PRKCA: variants seen among roughly 807,000 people sequenced by gnomAD.
The protein encoded by PRKCA is protein kinase C alpha type.
A neutral mutation model predicts 87.0 loss-of-function variants in PRKCA; 27 were observed. That is an observed-to-expected ratio of 0.31 (90% CI 0.23 to 0.43). The LOEUF is 0.43. PRKCA is among the 20% of genes least tolerant of loss of function. The pLI is 1.00. For synonymous variants in PRKCA, 329 were observed against 311.1 expected, an observed-to-expected ratio of 1.06 and a Z score of -0.61; for missense variants, 518 against 852.3, an observed-to-expected ratio of 0.61 and a Z score of 4.88.
chr17:66,525,575 C>T (rs1030774625), intron 3 of PRKCA, among the ~76,000 whole-genome samples: 5 of 152,088 alleles, frequency 3.3e-5, no homozygotes, highest in South Asian at 4.2e-4. Flanking sequence ...GGTGGAAGAT[C>T]GCCAGGGCTC....
chr17:66,710,177 A>G (rs139135508), intron 8 of PRKCA, among the ~76,000 whole-genome samples: 41 of 151,934 alleles, frequency 2.7e-4, no homozygotes, highest in Middle Eastern at 6.8e-3. Flanking sequence ...GTTACTTCCT[A>G]CCCCTCCAAG....
intron 2 of PRKCA, among the ~76,000 whole-genome samples, chr17:66,458,351 G>A (rs2143951353): frequency 6.6e-6 from 1 of 152,238 alleles, no homozygotes. Context: ...ACAGCTTCCT[G>A]GAACACAGCC....
intron 2 of PRKCA, among the ~76,000 whole-genome samples, chr17:66,422,427 T>C (rs1481385929): frequency 6.6e-6 from 1 of 152,216 alleles, no homozygotes; most frequent in African/African-American, 2.4e-5. Flanking sequence ...ACCTAGAGCA[T>C]AGCGTAAGCC....
chr17:66,680,791 G>T (rs1038264321), intron 5 of PRKCA, among the ~76,000 whole-genome samples: 1 of 152,172 alleles, frequency 6.6e-6, no homozygotes, highest in African/African-American at 2.4e-5. Context: ...ATCCACATTG[G>T]GGGTGGGGGA....
Position 66,689,165 on chromosome 17 carries a change from G to T in PRKCA, c.918+118G>T. On this transcript the variant is annotated intron_variant, in intron 8 of 16. Transcript: ENST00000413366. This position sits in a 1 kb window ranked among gnomAD's most constrained non-coding sequence, Gnocchi z 4.1. ...AAAAAAAAGTAATCTCAATGTTAATGATCTTTTTCTTTATTTAAAAACATG... is the reference window on the plus strand; with the variant it reads ...AAAAAAAAGTAATCTCAATGTTAATTATCTTTTTCTTTATTTAAAAACATG... 3 of 596,788 alleles carry T rather than the reference G, an allele frequency of 5.0e-6. 1 individual carries two copies. The highest frequency in any genetic ancestry group is 2.9e-6 in the Non-Finnish European group (1 of 346,604). The allele number at this position is 596,788 out of a possible 1,614,324, so 37.0% of individuals were successfully genotyped here.
intron 13 of PRKCA, among the ~76,000 whole-genome samples, chr17:66,771,502 T>C (rs1245212541): frequency 6.6e-6 from 1 of 152,214 alleles, no homozygotes; most frequent in Non-Finnish European, 1.5e-5. Context: ...TACACACATA[T>C]CACACCTAGA....
At chr17:66,730,297 G>T (rs74591650) in intron 8 of PRKCA, among the ~76,000 whole-genome samples, 1 of 152,152 alleles carries the variant, frequency 6.6e-6, no homozygotes, top group African/African-American at 2.4e-5. Context: ...AGGCCACATG[G>T]GTTCTTGGCT....
Position 66,732,730 on chromosome 17 carries a change from T to C in PRKCA, c.961T>C (p.Ser321Pro), listed in dbSNP as rs762784660. 6.2e-7 allele frequency: 1 copy of C among 1,614,156 alleles called. No individual in the cohort carries two copies. The highest frequency in any genetic ancestry group is 1.1e-5 in the South Asian group (1 of 91,068). ...GPAGNKVISP[S>P]EDRKQPSNNL... ...TGCTGGCAACAAAGTCATCAGTCCC[T>C]CTGAAGACAGGAAACAACCTTCCAA... Residue 321 changes from serine (S) to proline (P), a missense_variant, in exon 9 of 17, where the codon TCT (serine) becomes CCT (proline). This residue lies in a region of PRKCA where 300 missense variants were observed against 496.8 expected (regional missense o/e 0.60). Coordinates refer to ENST00000413366, the MANE Select transcript of PRKCA (RefSeq NM_002737.3).
intron 13 of PRKCA, among the ~76,000 whole-genome samples, chr17:66,759,033 T>C (rs1974619390): frequency 6.6e-6 from 1 of 152,128 alleles, no homozygotes; most frequent in African/African-American, 2.4e-5. Flanking sequence ...CTACTTTCAC[T>C]ATGCATGAAG....
At chr17:66,345,310 C>T (rs1907293910) in intron 2 of PRKCA, among the ~76,000 whole-genome samples, 1 of 152,064 alleles carries the variant, frequency 6.6e-6, no homozygotes. Flanking sequence ...AATTAGAAAA[C>T]CTTGTTAGGA....
chr17:66,418,072 C>T lies in PRKCA; in HGVS notation c.206-78129C>T, dbSNP rs144935799. Among the ~76,000 whole-genome samples the T allele has an allele frequency of 4.7e-3, 718 of 152,126 alleles. 6 individuals carry two copies. The highest frequency in any genetic ancestry group is 0.017 in the African/African-American group (691 of 41,480). ...ACACATTTCTGTAAACTTTTTGGTG[C>T]GCGTGGGTTTTACTGTCTTCTGTTG... On this transcript the variant is annotated intron_variant, in intron 2 of 16. Coordinates refer to ENST00000413366, the MANE Select transcript of PRKCA (RefSeq NM_002737.3).
chr17:66,351,770 G>A (rs1907761403), intron 2 of PRKCA, among the ~76,000 whole-genome samples: 1 of 152,148 alleles, frequency 6.6e-6, no homozygotes, highest in African/African-American at 2.4e-5. Context: ...TTCACAGGGT[G>A]GTTTATGGGG....
chr17:66,406,698 G>A (rs990352636), intron 2 of PRKCA, among the ~76,000 whole-genome samples: 9 of 144,850 alleles, frequency 6.2e-5, no homozygotes, highest in Non-Finnish European at 4.5e-5. Flanking sequence ...GAATGCATTC[G>A]ATCAGTTGGG....
intron 3 of PRKCA, among the ~76,000 whole-genome samples, chr17:66,628,087 A>G (rs559041334): frequency 6.6e-6 from 1 of 152,032 alleles, no homozygotes; most frequent in Non-Finnish European, 1.5e-5. Flanking sequence ...AAGATGTAAA[A>G]CTGGTTACTG....
At chr17:66,739,469 G>A (rs1011354295) in intron 11 of PRKCA, among the ~76,000 whole-genome samples, 7 of 152,218 alleles carry the variant, frequency 4.6e-5, no homozygotes, top group Admixed American at 3.3e-4. Flanking sequence ...CTGGGGTTGC[G>A]AAAGGAACGA....
intron 16 of PRKCA, 74 bp downstream of exon 16, chr17:66,789,053 T>C: frequency 6.5e-7 from 1 of 1,537,548 alleles, no homozygotes; most frequent in South Asian, 1.2e-5. Context: ...TCACCTCTTT[T>C]CTTGGAGAGA....
chr17:66,762,386 G>A (rs1368500370), intron 13 of PRKCA, among the ~76,000 whole-genome samples: 1 of 152,162 alleles, frequency 6.6e-6, no homozygotes, highest in African/African-American at 2.4e-5. Context: ...TGCTTGTCAG[G>A]TGGGTGCTGA....
chr17:66,588,944 T>C (rs2143524162), intron 3 of PRKCA, among the ~76,000 whole-genome samples: 1 of 152,288 alleles, frequency 6.6e-6, no homozygotes, highest in East Asian at 1.9e-4. Flanking sequence ...CTGGTCTTGC[T>C]TTGCCTTTTT....
intron 3 of PRKCA, among the ~76,000 whole-genome samples, chr17:66,522,889 G>A (rs1967215797): frequency 6.6e-6 from 1 of 152,126 alleles, no homozygotes; most frequent in East Asian, 1.9e-4. Context: ...ATCCAGTGGG[G>A]TCTTGATTTC....
Sources: allele counts gnomAD v4.1 joint callset (sites outside exome capture counted in the v4.1 genomes callset), GRCh38; gene constraint gnomAD v4.1.1; regional missense constraint gnomAD v4.1.1; non-coding constraint Gnocchi (gnomAD v3.1); transcripts MANE v1.5; gene names NCBI Gene and HGNC (gene_info 2026-07-23, HGNC 2026-07-21).